Variants in UBAP2L observed in about 807,000 individuals in gnomAD.
UBAP2L encodes ubiquitin associated protein 2 like.
Under a neutral mutation model 130.6 loss-of-function variants are expected in UBAP2L, and 12 were observed. That is an observed-to-expected ratio of 0.09 (90% confidence interval 0.06 to 0.15). The LOEUF is 0.15. Among genes scored for constraint, UBAP2L ranks in the 10% least tolerant of loss-of-function variants. The probability of loss-of-function intolerance (pLI) is 1.00; values close to 1 mark genes in which losing one functional copy is unlikely to be tolerated. For missense variants in UBAP2L, 965 were observed against 1,332.5 expected (o/e 0.72, Z 4.29); for synonymous variants, 503 against 524.7 (o/e 0.96, Z 0.57).
intron 1 of UBAP2L, among the ~76,000 whole-genome samples, chr1:154,222,823 T>C (rs1666718317): frequency 6.6e-6 from 1 of 152,230 alleles, no homozygotes; most frequent in Non-Finnish European, 1.5e-5. Context: ...ATTTAGTTTT[T>C]TCAGTGAAAT....
downstream of UBAP2L, chr1:154,271,152 A>C: frequency 3.6e-6 from 2 of 551,568 alleles, no homozygotes; most frequent in Non-Finnish European, 6.4e-6. Context: ...TCAGGCAGTA[A>C]AGGGAGAGGG....
At chr1:154,222,556 C>T (rs1666614995) in intron 1 of UBAP2L, among the ~76,000 whole-genome samples, 1 of 152,128 alleles carries the variant, frequency 6.6e-6, no homozygotes, top group African/African-American at 2.4e-5. Flanking sequence ...CTTGCTATGT[C>T]CTAACTGGGA....
intron 24 of UBAP2L, among the ~76,000 whole-genome samples, chr1:154,264,543 A>T (rs1471747178): frequency 6.6e-6 from 1 of 152,198 alleles, no homozygotes; most frequent in Non-Finnish European, 1.5e-5. Flanking sequence ...CTGCATTCTC[A>T]GTCCCTTCAA....
At chr1:154,258,188 C>T (rs1032076508) in intron 20 of UBAP2L, among the ~76,000 whole-genome samples, 6 of 152,130 alleles carry the variant, frequency 3.9e-5, no homozygotes, top group African/African-American at 1.4e-4. Context: ...CTAGGCTGGT[C>T]TCAAAATCCC....
chr1:154,241,583 A>G lies in UBAP2L; in HGVS notation c.756+18A>G. ...ATGAAGATGTAGGTATTCCCAGGTCATTCCTCACTAATGCCTTCTATCCCT... is the reference window on the plus strand; with the variant it reads ...ATGAAGATGTAGGTATTCCCAGGTCGTTCCTCACTAATGCCTTCTATCCCT... On this transcript the variant is annotated intron_variant, in intron 9 of 26. Coordinates refer to ENST00000428931, the MANE Select transcript of UBAP2L (RefSeq NM_014847.4). 1 of 1,613,886 alleles carries G rather than the reference A, an allele frequency of 6.2e-7. No homozygotes were observed. Among genetic ancestry groups the G allele is most frequent in the Non-Finnish European group, 8.5e-7 (1 of 1,179,820 alleles).
intron 14 of UBAP2L, 152 bp downstream of exon 14, chr1:154,251,805 T>C (rs952918923): frequency 4.7e-6 from 4 of 859,412 alleles, no homozygotes; most frequent in African/African-American, 3.4e-5. Context: ...CTTTAAAATA[T>C]TGTTATTAGG....
intron 2 of UBAP2L, among the ~76,000 whole-genome samples, chr1:154,226,446 T>C (rs1667956940): frequency 6.6e-6 from 1 of 152,252 alleles, no homozygotes; most frequent in African/African-American, 2.4e-5. Flanking sequence ...ATAAATCGAA[T>C]ATGTAAGATT....
chr1:154,247,809 A>G (rs948278818), intron 11 of UBAP2L, among the ~76,000 whole-genome samples: 10 of 152,106 alleles, frequency 6.6e-5, no homozygotes, highest in African/African-American at 1.9e-4. Context: ...GTACTAATCA[A>G]TATGTTAGAT....
At chr1:154,241,382 C>G in intron 8 of UBAP2L, 131 bp from the exon 9 acceptor site, 2 of 776,480 alleles carry the variant, frequency 2.6e-6, no homozygotes. Context: ...GCCACCACAC[C>G]TGGCCTTCTG....
At chr1:154,257,805 GT>G (rs1680137657) in intron 20 of UBAP2L, 1 of 276,084 alleles carries the variant, frequency 3.6e-6, no homozygotes, top group Admixed American at 5.0e-5. Flanking sequence ...ATCTGCTTTG[GT>G]TTATGGTGCA....
intron 25 of UBAP2L, among the ~76,000 whole-genome samples, chr1:154,267,667 G>T (rs1391588347): frequency 2.6e-5 from 4 of 151,396 alleles, no homozygotes; most frequent in African/African-American, 9.7e-5. Flanking sequence ...TTGTATTTTT[G>T]TTTTTTGGTA....
intron 25 of UBAP2L, 62 bp from the exon 26 acceptor site, chr1:154,268,695 A>G: frequency 1.9e-6 from 3 of 1,566,552 alleles, no homozygotes; most frequent in South Asian, 2.3e-5. Context: ...TGAGCTCAGG[A>G]AAAATCCCAA....
rs1466061899 is a variant in UBAP2L at position 154,248,313 on chromosome 1, A to G, written c.1015-926A>G. Among the ~76,000 whole-genome samples, 5 of 152,154 alleles carry G rather than the reference A, an allele frequency of 3.3e-5. No homozygotes were observed. In the East Asian group the frequency reaches 9.6e-4, roughly 29 times the overall value. ...TGTATGTACATGGAGAAAACAATCA[A>G]ATCATACTGACTTGCTACTTGATTG... On this transcript the variant is annotated intron_variant, in intron 11 of 26. Coordinates refer to ENST00000428931, the MANE Select transcript of UBAP2L (RefSeq NM_014847.4).
At chr1:154,247,970 T>TTA (rs1383525698) in intron 11 of UBAP2L, among the ~76,000 whole-genome samples, 30 of 149,790 alleles carry the variant, frequency 2.0e-4, no homozygotes, top group South Asian at 6.4e-4. Flanking sequence ...TTTTATTTAT[T>TTA]TTTTATTTTT....
At chr1:154,267,217 G>A (rs1683527238) in intron 25 of UBAP2L, among the ~76,000 whole-genome samples, 1 of 141,944 alleles carries the variant, frequency 7.0e-6, no homozygotes, top group South Asian at 2.3e-4. Flanking sequence ...GTGCAGTGGT[G>A]TGATCTCGGC....
chr1:154,238,082 C>T (rs1230266397), intron 8 of UBAP2L, among the ~76,000 whole-genome samples: 1 of 152,188 alleles, frequency 6.6e-6, no homozygotes, highest in Non-Finnish European at 1.5e-5. Flanking sequence ...TTCACAGATA[C>T]GTGATCTCTG....
chr1:154,233,400 T>C lies in UBAP2L; in HGVS notation c.280-1191T>C, dbSNP rs572276265. Among the ~76,000 whole-genome samples the C allele has an allele frequency of 1.3e-4, 20 of 150,812 alleles. No homozygotes were observed. In the East Asian group the frequency reaches 3.3e-3, roughly 25 times the overall value. On this transcript the variant is annotated intron_variant, in intron 4 of 26. Coordinates refer to ENST00000428931, the MANE Select transcript of UBAP2L (RefSeq NM_014847.4). ...AGTGGTGTGGTGCGATCTTGCGTCA[T>C]TGCAACCTCCACCTCCCAGGTTCAA...
In UBAP2L at chr1:154,227,308, A is replaced by G. The variant is rs367805178; in HGVS notation, c.117A>G (p.Ala39=). The part of the protein sequence containing the change: ...PQATAEQIRL[A]QMISDHNDAD... ...CCACTGCAGAACAAATTAGACTTGC[A>G]CAGATGATTTCGGACCATAATGATG... is the stretch of plus-strand genomic sequence containing the variant. Residue 39 remains alanine, a synonymous_variant, in exon 3 of 27, where the codon GCA becomes GCG. Coordinates refer to ENST00000428931, the MANE Select transcript of UBAP2L (RefSeq NM_014847.4). 35 of 1,613,834 alleles carry G rather than the reference A, an allele frequency of 2.2e-5. No individual in the cohort carries two copies. The African/African-American group carries it at 4.0e-4, about 18-fold the overall frequency.
chr1:154,234,278 G>A (rs978252140), intron 4 of UBAP2L, among the ~76,000 whole-genome samples: 15 of 152,018 alleles, frequency 9.9e-5, no homozygotes, highest in South Asian at 2.1e-4. Flanking sequence ...CACGAGAATC[G>A]CTTGAACCTG....
Sources: allele counts gnomAD v4.1 joint callset (sites outside exome capture counted in the v4.1 genomes callset), GRCh38; gene constraint gnomAD v4.1.1; transcripts MANE v1.5; gene names NCBI Gene and HGNC (gene_info 2026-07-23, HGNC 2026-07-21).